The following GAD2 variants were observed in gnomAD, a reference collection of about 807,000 sequenced individuals.
The protein encoded by GAD2 is 65 kDa glutamic acid decarboxylase.
GAD2 carries 22 observed loss-of-function variants against 80.1 expected under a neutral mutation model. That is an observed-to-expected ratio of 0.27 (90% CI 0.20 to 0.39). GAD2 has a LOEUF of 0.39. Ranked by LOEUF, GAD2 falls within the 10% of genes least tolerant of loss-of-function variation. The pLI, the probability that GAD2 is intolerant of heterozygous loss-of-function variation, is 1.00. For synonymous variants in GAD2, 274 were observed against 256.9 expected, an observed-to-expected ratio of 1.07 and a Z score of -0.64; for missense variants, 624 against 738.4, an observed-to-expected ratio of 0.85 and a Z score of 1.80.
intron 8 of GAD2, among the ~76,000 whole-genome samples, chr10:26,262,921 T>G (rs557590768): frequency 6.6e-6 from 1 of 151,882 alleles, no homozygotes; most frequent in South Asian, 2.1e-4. Context: ...GGAGGAGTAA[T>G]GTGAGGTGGT....
chr10:26,298,026 C>T (rs755262075), intron 15 of GAD2, among the ~76,000 whole-genome samples: 6 of 152,146 alleles, frequency 3.9e-5, no homozygotes, highest in Non-Finnish European at 5.9e-5. Context: ...GTTTGTGCAC[C>T]GCATCTATAA....
chr10:26,236,177 G>A (rs1018455507), intron 7 of GAD2, among the ~76,000 whole-genome samples: 9 of 152,054 alleles, frequency 5.9e-5, no homozygotes, highest in African/African-American at 1.9e-4. Flanking sequence ...ACAGTGGCAC[G>A]ATCATGGCTC....
chr10:26,257,474 C>T (rs1250046516), intron 8 of GAD2, among the ~76,000 whole-genome samples: 1 of 152,226 alleles, frequency 6.6e-6, no homozygotes, highest in East Asian at 1.9e-4. Flanking sequence ...GGTACCCCTG[C>T]CATTATCTGA....
intron 15 of GAD2, among the ~76,000 whole-genome samples, chr10:26,296,802 G>T (rs1485514328): frequency 6.6e-6 from 1 of 152,096 alleles, no homozygotes; most frequent in Non-Finnish European, 1.5e-5. Flanking sequence ...GTTAGCAGTG[G>T]ATTTAATACT....
intron 7 of GAD2, among the ~76,000 whole-genome samples, chr10:26,230,898 A>T (rs1300574137): frequency 1.3e-5 from 2 of 151,926 alleles, no homozygotes; most frequent in African/African-American, 2.4e-5. Context: ...GACCAGCCTG[A>T]CCAACATGGT....
At chr10:26,267,035 G>C (rs1845081373) in intron 8 of GAD2, among the ~76,000 whole-genome samples, 4 of 152,116 alleles carry the variant, frequency 2.6e-5, no homozygotes, top group Admixed American at 2.6e-4. Context: ...CTTCCAATTT[G>C]AATGCACTCT....
intron 11 of GAD2, among the ~76,000 whole-genome samples, chr10:26,276,743 C>G (rs980911019): frequency 3.9e-5 from 6 of 152,280 alleles, no homozygotes; most frequent in African/African-American, 1.4e-4. Context: ...TGCTGCTTAC[C>G]GTAATCATCC....
chr10:26,264,804 C>T (rs1301835317), intron 8 of GAD2, among the ~76,000 whole-genome samples: 1 of 152,194 alleles, frequency 6.6e-6, no homozygotes, highest in Non-Finnish European at 1.5e-5. Context: ...CAATTTCTAG[C>T]AGGAAGGATG....
intron 3 of GAD2, 79 bp from the exon 4 acceptor site, chr10:26,218,964 T>G (rs1344823408): frequency 1.2e-5 from 12 of 1,030,982 alleles, no homozygotes; most frequent in Non-Finnish European, 1.6e-5. Flanking sequence ...TTCAAAGAAA[T>G]GTTATTGCCT....
At chr10:26,271,799 G>A (rs1274936237) in intron 10 of GAD2, among the ~76,000 whole-genome samples, 5 of 151,468 alleles carry the variant, frequency 3.3e-5, no homozygotes, top group Admixed American at 6.6e-5. Context: ...TTGCTCTGTC[G>A]CCCAGGCAGG....
At chr10:26,218,535 G>T (rs1222210637) in intron 3 of GAD2, among the ~76,000 whole-genome samples, 4 of 128,054 alleles carry the variant, frequency 3.1e-5, no homozygotes, top group East Asian at 2.3e-4. Context: ...ACATGCATAC[G>T]CTCTCTCTCT....
intron 8 of GAD2, among the ~76,000 whole-genome samples, chr10:26,259,024 G>A (rs61391590): frequency 0.016 from 2,510 of 152,122 alleles, 65 homozygotes; most frequent in African/African-American, 0.057. Flanking sequence ...CACCATATTG[G>A]TCAGGCTGGT....
rs1405661290 is a variant in GAD2 at position 26,286,364 on chromosome 10, A to G, written c.1256A>G (p.Asn419Ser). 3.7e-6 allele frequency: 6 copies of G among 1,613,662 alleles called. No individual in the cohort carries two copies. The South Asian group carries it at 4.4e-5, about 12-fold the overall frequency. The change falls in exon 13 of 16, where the codon AAC becomes AGC. Residue 419 changes from asparagine (N) to serine (S), a missense_variant. By Grantham distance (46) the Asn-to-Ser change is conservative. Transcript: ENST00000376261. Reference protein sequence around the residue: ...VREEGLMQNCNQMHASYLFQQ... With the variant: ...VREEGLMQNCSQMHASYLFQQ... Reference sequence around the variant, plus strand: ...TTGTAGGGATTGATGCAGAATTGCAACCAAATGCATGCCTCCTACCTCTTT... The same window carrying G: ...TTGTAGGGATTGATGCAGAATTGCAGCCAAATGCATGCCTCCTACCTCTTT...
chr10:26,224,879 A>G (rs2132272708), intron 6 of GAD2: 1 of 498,082 alleles, frequency 2.0e-6, no homozygotes, highest in East Asian at 3.6e-5. Flanking sequence ...GAGCATAATC[A>G]GAGATGGTAC....
intron 10 of GAD2, among the ~76,000 whole-genome samples, chr10:26,273,092 TAAG>T (rs8190727): frequency 0.026 from 3,988 of 152,340 alleles, 172 homozygotes; most frequent in African/African-American, 0.089. Flanking sequence ...TACAAATTGT[TAAG>T]ACGTGTTCTA....
chr10:26,271,786 G>T (rs1845141043), intron 10 of GAD2, among the ~76,000 whole-genome samples: 1 of 151,828 alleles, frequency 6.6e-6, no homozygotes, highest in African/African-American at 2.4e-5. Flanking sequence ...TTGAGACAGA[G>T]TCTTGCTCTG....
chr10:26,300,230 G>A (rs960038276), intron 15 of GAD2, among the ~76,000 whole-genome samples: 1 of 152,054 alleles, frequency 6.6e-6, no homozygotes, highest in Non-Finnish European at 1.5e-5. Flanking sequence ...TCAGCTTTTT[G>A]TCCCAGCTAA....
At chr10:26,245,222 G>C (rs1321620472) in intron 7 of GAD2, among the ~76,000 whole-genome samples, 1 of 150,744 alleles carries the variant, frequency 6.6e-6, no homozygotes, top group East Asian at 1.9e-4. Flanking sequence ...GGCTGGGGTT[G>C]GGGGTGTGGG....
chr10:26,297,670 C>A (rs1834289412), intron 15 of GAD2, among the ~76,000 whole-genome samples: 1 of 152,170 alleles, frequency 6.6e-6, no homozygotes, highest in Non-Finnish European at 1.5e-5. Context: ...CAAAAGACCA[C>A]TGGGATGGCT....
Sources: allele counts gnomAD v4.1 joint callset (sites outside exome capture counted in the v4.1 genomes callset), GRCh38; gene constraint gnomAD v4.1.1; transcripts MANE v1.5; gene names NCBI Gene and HGNC (gene_info 2026-07-23, HGNC 2026-07-21).